The following LRBA variants were observed in gnomAD, a reference collection of about 807,000 sequenced individuals.
The protein encoded by LRBA is lipopolysaccharide-responsive and beige-like anchor protein.
Under a neutral mutation model 330.0 loss-of-function variants are expected in LRBA, and 176 were observed. The ratio of observed to expected loss-of-function variants is 0.53; its 90% CI spans 0.47 to 0.60. LRBA has a LOEUF of 0.60. Ranked by LOEUF, LRBA falls within the 20% of genes least tolerant of loss-of-function variation. The probability of loss-of-function intolerance (pLI) is 0.00; values close to 1 mark genes in which losing one functional copy is unlikely to be tolerated. For missense variants in LRBA, 3,259 were observed against 3,444.8 expected, an observed-to-expected ratio of 0.95 and a Z score of 1.35; for synonymous variants, 1,230 against 1,193.0, an observed-to-expected ratio of 1.03 and a Z score of -0.64.
intron 2 of LRBA, among the ~76,000 whole-genome samples, chr4:150,951,374 CA>C (rs772512063): frequency 3.9e-3 from 526 of 135,324 alleles, no homozygotes; most frequent in East Asian, 0.011. Flanking sequence ...CATCTTTTTA[CA>C]AAAAAAAAAA....
rs74905595 is a variant in LRBA at position 150,321,431 on chromosome 4, G to C, written c.7453-63C>G. ...CCCAAATAGACAAGAAGGAAAAGAT[G>C]AAGAAAGACAAGAAAGAGAGGGGGT... On this transcript the variant is annotated intron_variant, in intron 49 of 56. Transcript: ENST00000651943. The surrounding 1 kb of genome is among the most constrained non-coding windows in gnomAD (Gnocchi z 4.5). 4.3e-6 allele frequency: 6 copies of C among 1,394,100 alleles called. No homozygotes were observed. The East Asian group carries it at 7.7e-5, about 18-fold the overall frequency. The allele number at this position is 1,394,100 out of a possible 1,614,324, so 86.4% of individuals were successfully genotyped here.
chr4:150,524,443 T>C (rs555974584), intron 40 of LRBA, among the ~76,000 whole-genome samples: 22 of 152,290 alleles, frequency 1.4e-4, no homozygotes, highest in African/African-American at 5.1e-4. Context: ...TCCTGGACTT[T>C]CCAAGGGATA....
intron 48 of LRBA, among the ~76,000 whole-genome samples, 185 bp from the exon 49 acceptor site, chr4:150,326,083 G>A (rs924712934): frequency 2.6e-5 from 4 of 152,138 alleles, no homozygotes; most frequent in African/African-American, 7.2e-5. Flanking sequence ...ATTTAGAACC[G>A]CAGAAGCTGT....
At chr4:150,648,305 C>G (rs932459451) in intron 37 of LRBA, among the ~76,000 whole-genome samples, 1 of 151,722 alleles carries the variant, frequency 6.6e-6, no homozygotes, top group Non-Finnish European at 1.5e-5. Context: ...GAAGAGCTCA[C>G]AAGACCTCTG....
intron 39 of LRBA, 79 bp downstream of exon 39, chr4:150,590,634 G>A: frequency 7.6e-7 from 1 of 1,312,140 alleles, no homozygotes; most frequent in Non-Finnish European, 1.1e-6. Flanking sequence ...AGTCCTAGTG[G>A]TCACAGCTGA....
intron 51 of LRBA, among the ~76,000 whole-genome samples, chr4:150,312,467 C>T (rs561075424): frequency 6.6e-6 from 1 of 152,048 alleles, no homozygotes; most frequent in South Asian, 2.1e-4. Context: ...CGCCCTTCTT[C>T]TACTAGATAA....
At chr4:150,542,403 A>C (rs1166233589) in intron 40 of LRBA, among the ~76,000 whole-genome samples, 3 of 152,250 alleles carry the variant, frequency 2.0e-5, no homozygotes, top group Non-Finnish European at 4.4e-5. Context: ...ATCACACATT[A>C]AAAGTGTCAT....
chr4:150,598,075 C>A (rs1272142759), intron 38 of LRBA, among the ~76,000 whole-genome samples: 1 of 152,074 alleles, frequency 6.6e-6, no homozygotes, highest in Admixed American at 6.5e-5. Context: ...TTCTTAATAT[C>A]CTTATTGAAT....
chr4:150,828,534 C>A lies in LRBA; in HGVS notation c.4817G>T (p.Gly1606Val), dbSNP rs749320751. ...ACCAGTGGCTGTTTCTTCCCCAATGCCTGAGTCCCTCCTTCGAGCAGATGA... is the reference window on the plus strand; with the variant it reads ...ACCAGTGGCTGTTTCTTCCCCAATGACTGAGTCCCTCCTTCGAGCAGATGA... ...STSSARRRDSGIGEETATGLG... is the reference protein window; with the variant it reads ...STSSARRRDSVIGEETATGLG... The change falls in exon 30 of 57, where the codon GGC (glycine) becomes GTC (valine). Residue 1606 changes from glycine to valine, a missense_variant. Gly to Val is a moderately radical substitution (Grantham distance 109). Transcript: ENST00000651943. The A allele has an allele frequency of 5.8e-5, 93 of 1,614,004 alleles. No homozygotes were observed. The highest frequency in any genetic ancestry group is 7.4e-5 in the Non-Finnish European group (87 of 1,180,000).
chr4:150,902,014 G>GAAAAGATTA (rs1277579853), intron 13 of LRBA, among the ~76,000 whole-genome samples: 8 of 151,816 alleles, frequency 5.3e-5, no homozygotes, highest in African/African-American at 1.7e-4. Flanking sequence ...AAATACAGTT[G>GAAAAGATTA]AAAAGATTAA....
At chr4:150,755,786 C>CCTGT (rs1734206605) in intron 35 of LRBA, among the ~76,000 whole-genome samples, 1 of 151,854 alleles carries the variant, frequency 6.6e-6, no homozygotes, top group Non-Finnish European at 1.5e-5. Context: ...GTGGCTCATG[C>CCTGT]CTGTAATCCC....
intron 36 of LRBA, among the ~76,000 whole-genome samples, chr4:150,734,748 T>G (rs1219354497): frequency 3.9e-5 from 6 of 152,158 alleles, no homozygotes; most frequent in Non-Finnish European, 8.8e-5. Context: ...CTTAGTCCTC[T>G]CCTATGAGAA....
At chr4:150,655,151 T>A (rs2126786091) in intron 37 of LRBA, among the ~76,000 whole-genome samples, 1 of 152,296 alleles carries the variant, frequency 6.6e-6, no homozygotes, top group South Asian at 2.1e-4. Flanking sequence ...TCAGTTAAAC[T>A]AGTAAAGTCA....
chr4:151,008,018 C>G (rs960169520), intron 2 of LRBA, among the ~76,000 whole-genome samples: 15 of 151,366 alleles, frequency 9.9e-5, no homozygotes, highest in Non-Finnish European at 2.1e-4. Context: ...GTAATAGGTG[C>G]AAAACTCTTT....
chr4:150,593,091 C>T (rs951683204), intron 38 of LRBA, among the ~76,000 whole-genome samples: 32 of 152,086 alleles, frequency 2.1e-4, no homozygotes, highest in African/African-American at 7.7e-4. Flanking sequence ...AGATCTTTTG[C>T]AGTTTGCTAT....
intron 40 of LRBA, among the ~76,000 whole-genome samples, chr4:150,547,565 C>T (rs1766001597): frequency 6.6e-6 from 1 of 152,164 alleles, no homozygotes. Context: ...CACATTCCCT[C>T]TTGCTATCTG....
At chr4:150,490,210 G>A (rs867722748) in intron 41 of LRBA, among the ~76,000 whole-genome samples, 6 of 151,660 alleles carry the variant, frequency 4.0e-5, no homozygotes, top group Non-Finnish European at 5.9e-5. Flanking sequence ...ATGTGTGTGT[G>A]GAATATAGGC....
At chr4:150,406,119 T>C (rs981220859) in intron 47 of LRBA, among the ~76,000 whole-genome samples, 1 of 151,804 alleles carries the variant, frequency 6.6e-6, no homozygotes, top group African/African-American at 2.4e-5. Context: ...AACAAATACA[T>C]AGTAAAAAAA....
Position 150,590,708 on chromosome 4 carries a change from T to C in LRBA, c.6193+5A>G, listed in dbSNP as rs748844252. 1 of 1,612,736 alleles carries C rather than the reference T, an allele frequency of 6.2e-7. No individual in the cohort carries two copies. The highest frequency in any genetic ancestry group is 1.3e-5 in the African/African-American group (1 of 74,834). On this transcript the variant is annotated splice_donor_5th_base_variant and intron_variant, in intron 39 of 56. Coordinates refer to ENST00000651943, the MANE Select transcript of LRBA (RefSeq NM_001364905.1). ...CTGAAATATCTGCACAACCACCAAA[T>C]TTACCGGCAAGATTCTCTAAATCTT...
Sources: allele counts gnomAD v4.1 joint callset (sites outside exome capture counted in the v4.1 genomes callset), GRCh38; gene constraint gnomAD v4.1.1; non-coding constraint Gnocchi (gnomAD v3.1); transcripts MANE v1.5; gene names NCBI Gene and HGNC (gene_info 2026-07-23, HGNC 2026-07-21).